Variants in ACOT7 observed in about 807,000 individuals in gnomAD.
The protein encoded by ACOT7 is acyl-CoA thioesterase 7.
In ACOT7, 12 loss-of-function variants were observed where a neutral mutation model predicts 40.2. That is an observed-to-expected ratio of 0.30 (90% CI 0.19 to 0.48). The LOEUF is 0.48. ACOT7 is among the 20% of genes least tolerant of loss of function. ACOT7 has a pLI of 0.99. For synonymous variants in ACOT7, 228 were observed against 219.5 expected, an observed-to-expected ratio of 1.04 and a Z score of -0.34; for missense variants, 395 against 530.8, an observed-to-expected ratio of 0.74 and a Z score of 2.51.
chr1:6,379,308 G>T lies in ACOT7; in HGVS notation c.143+13949C>A, dbSNP rs34185555. Among the ~76,000 whole-genome samples the T allele has an allele frequency of 4.1e-3, 627 of 151,748 alleles. 11 individuals carry two copies. The highest frequency in any genetic ancestry group is 7.1e-3 in the Non-Finnish European group (483 of 67,830). ...TTGGCCTCCACTTGCCAGCTGTGAC[G>T]GCAAGCAAGTAGCTCCACCTCTAAT... On this transcript the variant is annotated intron_variant, in intron 1 of 8. Coordinates refer to ENST00000361521, the MANE Select transcript of ACOT7 (RefSeq NM_007274.4).
Position 6,294,228 on chromosome 1 carries a change from C to G in ACOT7, c.829+636G>C, listed in dbSNP as rs997591040. On this transcript the variant is annotated intron_variant, in intron 7 of 8. Coordinates refer to ENST00000361521, the MANE Select transcript of ACOT7 (RefSeq NM_007274.4). The surrounding 1 kb of genome is among the most constrained non-coding windows in gnomAD (Gnocchi z 4.6). ...AAATCACCACGTGTCAGGTGCACTTCACTGTACTTCTGCAGAGAGCAGTCA... is the reference window on the plus strand; with the variant it reads ...AAATCACCACGTGTCAGGTGCACTTGACTGTACTTCTGCAGAGAGCAGTCA... Among the ~76,000 whole-genome samples the G allele has an allele frequency of 2.0e-5, 3 of 152,244 alleles. No individual in the cohort carries two copies. Among genetic ancestry groups the G allele is most frequent in the African/African-American group, 7.2e-5 (3 of 41,460 alleles).
chr1:6,317,724 C>T (rs1206101479), intron 6 of ACOT7, among the ~76,000 whole-genome samples: 1 of 142,034 alleles, frequency 7.0e-6, no homozygotes, highest in Admixed American at 6.8e-5. Context: ...GTGCCAGAGT[C>T]TTTCTTTTTT....
At position 6,274,812 on chromosome 1, in the gene ACOT7, G is replaced by A. The variant is rs761555409; in HGVS notation, c.1014+6290C>T. On this transcript the variant is annotated intron_variant, in intron 8 of 8. Coordinates refer to ENST00000361521, the MANE Select transcript of ACOT7 (RefSeq NM_007274.4). This position sits in a 1 kb window ranked among gnomAD's most constrained non-coding sequence, Gnocchi z 5.9. ...GAAGCAAAGGCCCTGGGCTGAGCGC[G>A]GTGTGGGTGGGCGGCGCAGTGCAGG... Among the ~76,000 whole-genome samples the A allele has an allele frequency of 2.6e-5, 4 of 152,256 alleles. No homozygotes were observed. The highest frequency in any genetic ancestry group is 1.9e-4 in the East Asian group (1 of 5,180).
intron 3 of ACOT7, among the ~76,000 whole-genome samples, chr1:6,334,232 A>G (rs561127655): frequency 2.2e-3 from 335 of 152,358 alleles, no homozygotes; most frequent in Non-Finnish European, 3.8e-3. Flanking sequence ...CGCTGCTGAC[A>G]TCGAACGTCA....
intron 1 of ACOT7, among the ~76,000 whole-genome samples, chr1:6,374,928 T>C (rs1398770359): frequency 6.6e-6 from 1 of 152,214 alleles, no homozygotes; most frequent in African/African-American, 2.4e-5. Context: ...GTTACATGGC[T>C]GAAGTTCCCA....
chr1:6,306,453 T>A lies in ACOT7; in HGVS notation c.713-11473A>T. On this transcript the variant is annotated intron_variant, in intron 6 of 8. Coordinates refer to ENST00000361521, the MANE Select transcript of ACOT7 (RefSeq NM_007274.4). This position sits in a 1 kb window ranked among gnomAD's most constrained non-coding sequence, Gnocchi z 4.3. Reference sequence around the variant, plus strand: ...GAACCCCACGCCCAGGCTTTCAGGGTTGACACCATCTCGGGGTTCAAGGTT... The same window carrying A: ...GAACCCCACGCCCAGGCTTTCAGGGATGACACCATCTCGGGGTTCAAGGTT... The A allele has an allele frequency of 1.0e-6, 1 of 985,044 alleles. No individual in the cohort carries two copies. The highest frequency in any genetic ancestry group is 1.2e-6 in the Non-Finnish European group (1 of 829,852). The allele number at this position is 985,044 out of a possible 1,614,324, so 61.0% of individuals were successfully genotyped here.
At position 6,294,790 on chromosome 1, in the gene ACOT7, G is replaced by C; in HGVS notation, c.829+74C>G. On this transcript the variant is annotated intron_variant, in intron 7 of 8. Coordinates refer to ENST00000361521, the MANE Select transcript of ACOT7 (RefSeq NM_007274.4). The surrounding 1 kb of genome is among the most constrained non-coding windows in gnomAD (Gnocchi z 4.6). ...GCCCACATGACCCTGGGTGTGAACA[G>C]AAAACAAACTGGTGCAGGGACCCAA... is the stretch of plus-strand genomic sequence containing the variant. 3 of 1,271,630 alleles carry C rather than the reference G, an allele frequency of 2.4e-6. No homozygotes were observed. Among genetic ancestry groups the C allele is most frequent in the Non-Finnish European group, 3.4e-6 (3 of 880,630 alleles). The allele number at this position is 1,271,630 out of a possible 1,614,324, so 78.8% of individuals were successfully genotyped here. A position where few individuals can be genotyped will look rare whatever the true frequency, so the allele number is the denominator to read the frequency against.
intron 6 of ACOT7, among the ~76,000 whole-genome samples, chr1:6,308,760 C>T (rs574904986): frequency 6.8e-6 from 1 of 148,002 alleles, no homozygotes; most frequent in African/African-American, 2.5e-5. Context: ...GAGAGAACTG[C>T]AACCACGTGA....
chr1:6,369,248 T>G (rs1393237048), intron 1 of ACOT7, among the ~76,000 whole-genome samples: 2 of 152,140 alleles, frequency 1.3e-5, no homozygotes, highest in African/African-American at 4.8e-5. Context: ...CCCAAAGTGT[T>G]GGGATTACAG....
Position 6,306,080 on chromosome 1 carries a change from T to A in ACOT7, c.713-11100A>T. On this transcript the variant is annotated intron_variant, in intron 6 of 8. Transcript: ENST00000361521. The surrounding 1 kb of genome is among the most constrained non-coding windows in gnomAD (Gnocchi z 4.3). ...GGCGCGCGCCTGCAATCGCAGGCAC[T>A]CGGCAGGCTGAGGCAGGAGAATCAG... 7.0e-6 allele frequency: 2 copies of A among 285,938 alleles called. No individual in the cohort carries two copies. Among genetic ancestry groups the A allele is most frequent in the Non-Finnish European group, 1.0e-5 (2 of 191,656 alleles). 17.7% of individuals were successfully genotyped at this position (285,938 alleles called of 1,614,324 possible).
intron 1 of ACOT7, among the ~76,000 whole-genome samples, chr1:6,379,791 G>C (rs1402277943): frequency 6.6e-6 from 1 of 151,770 alleles, no homozygotes; most frequent in East Asian, 1.9e-4. Context: ...AATAGGCCAG[G>C]TGTGGTGGCC....
intron 2 of ACOT7, among the ~76,000 whole-genome samples, chr1:6,342,925 T>C (rs1305107062): frequency 6.6e-6 from 1 of 152,092 alleles, no homozygotes; most frequent in African/African-American, 2.4e-5. Context: ...GCTGAATAAA[T>C]GACACAAAAG....
chr1:6,310,840 T>G (rs1371067568), intron 6 of ACOT7, among the ~76,000 whole-genome samples: 1 of 152,118 alleles, frequency 6.6e-6, no homozygotes, highest in Admixed American at 6.5e-5. Context: ...CAGGTTCAAG[T>G]GATTATCCTG....
Position 6,339,519 on chromosome 1 carries a change from A to C in ACOT7, c.332T>G (p.Val111Gly), listed in dbSNP as rs1571322638. The C allele has an allele frequency of 6.2e-7, 1 of 1,613,624 alleles. No homozygotes were observed. The highest frequency in any genetic ancestry group is 8.5e-7 in the Non-Finnish European group (1 of 1,180,018). ...DFLSPMCIGE[V>G]AHVSAEITYT... ...GGTGATCTCCGCGCTGACATGCGCC[A>C]CCTCACCGATGCACATGGGAGACAG... Residue 111 changes from valine (V) to glycine (G), a missense_variant, in exon 3 of 9, where the codon GTG becomes GGG. Val to Gly is a moderately radical substitution (Grantham distance 109). Transcript: ENST00000361521.
intron 1 of ACOT7, among the ~76,000 whole-genome samples, chr1:6,376,074 G>C (rs911516854): frequency 5.9e-5 from 9 of 152,102 alleles, no homozygotes; most frequent in Non-Finnish European, 1.0e-4. Context: ...GGCCAACATG[G>C]TGAAACCCTG....
At chr1:6,291,516 G>T (rs1160075485) in intron 7 of ACOT7, among the ~76,000 whole-genome samples, 2 of 152,176 alleles carry the variant, frequency 1.3e-5, no homozygotes, top group Non-Finnish European at 2.9e-5. Context: ...GATGTCTGTT[G>T]TTCTGAGCCC....
intron 4 of ACOT7, 93 bp from the exon 5 acceptor site, chr1:6,327,506 T>C: frequency 9.8e-7 from 1 of 1,022,860 alleles, no homozygotes; most frequent in Non-Finnish European, 1.5e-6. Flanking sequence ...TAGCCTTGTG[T>C]AACTGGGACT....
intron 1 of ACOT7, among the ~76,000 whole-genome samples, chr1:6,365,063 A>G (rs1641973771): frequency 6.6e-6 from 1 of 152,190 alleles, no homozygotes; most frequent in Admixed American, 6.6e-5. Context: ...GATACATGCA[A>G]CCATGTGGAT....
At chr1:6,279,390 C>G (rs1639289938) in intron 8 of ACOT7, among the ~76,000 whole-genome samples, 2 of 152,162 alleles carry the variant, frequency 1.3e-5, no homozygotes. Context: ...GGCAGCAGAG[C>G]CAGCCCTGAT....
Sources: allele counts gnomAD v4.1 joint callset (sites outside exome capture counted in the v4.1 genomes callset), GRCh38; gene constraint gnomAD v4.1.1; non-coding constraint Gnocchi (gnomAD v3.1); transcripts MANE v1.5; gene names NCBI Gene and HGNC (gene_info 2026-07-23, HGNC 2026-07-21).